COL13A1: variants seen among roughly 807,000 people sequenced by gnomAD.
The protein encoded by COL13A1 is collagen type XIII alpha 1 chain.
Under a neutral mutation model 130.9 loss-of-function variants are expected in COL13A1, and 89 were observed. The observed-to-expected ratio is 0.68, with a 90% CI of 0.57 to 0.81. COL13A1 has a LOEUF of 0.81. COL13A1 is among the 30% of genes least tolerant of loss of function. The probability of loss-of-function intolerance (pLI) is 0.00; values close to 1 mark genes in which losing one functional copy is unlikely to be tolerated. For missense variants in COL13A1, 879 were observed against 934.6 expected (o/e 0.94, Z 0.78); for synonymous variants, 402 against 341.6 (o/e 1.18, Z -1.95).
chr10:69,883,915 A>G (rs930902154), intron 7 of COL13A1, among the ~76,000 whole-genome samples: 1 of 152,196 alleles, frequency 6.6e-6, no homozygotes, highest in Non-Finnish European at 1.5e-5. Flanking sequence ...CTGGAGCAGA[A>G]TCGGTGGGGC....
chr10:69,845,195 C>CTTT (rs61125163), intron 2 of COL13A1, among the ~76,000 whole-genome samples: 1 of 139,282 alleles, frequency 7.2e-6, no homozygotes, highest in African/African-American at 2.7e-5. Context: ...TTTTCTTTTT[C>CTTT]TTTTTTTTTT....
At chr10:69,906,779 G>A (rs1340773228) in intron 17 of COL13A1, among the ~76,000 whole-genome samples, 4 of 151,976 alleles carry the variant, frequency 2.6e-5, no homozygotes, top group Admixed American at 2.0e-4. Context: ...TCACCAGGCT[G>A]GAGTGCAATG....
At chr10:69,845,721 C>T (rs1299821687) in intron 2 of COL13A1, among the ~76,000 whole-genome samples, 1 of 150,482 alleles carries the variant, frequency 6.6e-6, no homozygotes, top group Non-Finnish European at 1.5e-5. Flanking sequence ...AAAGACATTT[C>T]ACCCTTTTTC....
rs1303635490 is a variant in COL13A1, at chr10:69,900,068, T to G, written c.750+1306T>G. ...CTGGCCAAATCCTCGAGAGCCTCCG[T>G]GTGCCCGAGCACTCACCAGAGCATG... On this transcript the variant is annotated intron_variant, in intron 14 of 40. Transcript: ENST00000645393. Among the ~76,000 whole-genome samples, 9 of 152,204 alleles carry G rather than the reference T, an allele frequency of 5.9e-5. No individual in the cohort carries two copies. In the East Asian group the frequency reaches 1.7e-3, roughly 29 times the overall value.
chr10:69,820,978 C>T (rs116190790), intron 1 of COL13A1, among the ~76,000 whole-genome samples: 1,816 of 152,318 alleles, frequency 0.012, 34 homozygotes, highest in African/African-American at 0.042. Context: ...CTTATGACAC[C>T]TCCCATATTA....
rs763017782 is a variant in COL13A1, at chr10:69,917,346, T to C, written c.966+13T>C. 2.5e-6 allele frequency: 4 copies of C among 1,611,494 alleles called. No homozygotes were observed. Among genetic ancestry groups the C allele is most frequent in the Non-Finnish European group, 3.4e-6 (4 of 1,178,772 alleles). On this transcript the variant is annotated intron_variant, in intron 18 of 40. Transcript: ENST00000645393. ...GCATGGAGCCAAGGTACCTCCCCCTTCCCCACATCCCAGGCAGCCCCAAGG... is the reference window on the plus strand; with the variant it reads ...GCATGGAGCCAAGGTACCTCCCCCTCCCCCACATCCCAGGCAGCCCCAAGG...
chr10:69,916,953 C>A (rs911777911), intron 17 of COL13A1, among the ~76,000 whole-genome samples: 1 of 152,182 alleles, frequency 6.6e-6, no homozygotes, highest in African/African-American at 2.4e-5. Context: ...TGCCCCTGGT[C>A]CCGTCCCACA....
intron 29 of COL13A1, 33 bp from the exon 30 acceptor site, chr10:69,930,367 G>A (rs772584037): frequency 1.1e-5 from 17 of 1,575,416 alleles, no homozygotes; most frequent in Non-Finnish European, 1.3e-5. Flanking sequence ...CTCCATTAAT[G>A]TGTCTAAGAA....
At chr10:69,927,691 C>T (rs141015235) in intron 27 of COL13A1, among the ~76,000 whole-genome samples, 127 of 152,230 alleles carry the variant, frequency 8.3e-4, no homozygotes, top group African/African-American at 3.0e-3. Flanking sequence ...TCATGAAGTT[C>T]TCTGACTACT....
intron 4 of COL13A1, 31 bp downstream of exon 4, chr10:69,872,241 C>T (rs1205449531): frequency 3.1e-6 from 5 of 1,613,490 alleles, no homozygotes; most frequent in Non-Finnish European, 2.5e-6. Flanking sequence ...CTTTCCTTTG[C>T]ATCTCTTTTA....
intron 9 of COL13A1, among the ~76,000 whole-genome samples, chr10:69,889,106 C>T (rs900357377): frequency 1.7e-4 from 26 of 152,230 alleles, no homozygotes; most frequent in Non-Finnish European, 3.5e-4. Context: ...GACCAGGCAT[C>T]CCCCGAAGCT....
At chr10:69,949,804 G>A (rs1207650735) in intron 38 of COL13A1, among the ~76,000 whole-genome samples, 1 of 151,688 alleles carries the variant, frequency 6.6e-6, no homozygotes, top group African/African-American at 2.4e-5. Flanking sequence ...AATCATTCAG[G>A]AAAATTGGAT....
Position 69,956,693 on chromosome 10 carries a change from G to A in COL13A1, c.2146-311G>A, listed in dbSNP as rs1031099829. 1.3e-5 allele frequency: 4 copies of A among 310,290 alleles called. No individual in the cohort carries two copies. In the South Asian group the frequency reaches 1.6e-4, roughly 12 times the overall value. The allele number at this position is 310,290 out of a possible 1,614,324, so 19.2% of individuals were successfully genotyped here. ...ACCCGTGAGCAGCCGGCACTCCATA[G>A]GGCCACAGCAGAGACTGTTTCTTCG... On this transcript the variant is annotated intron_variant, in intron 39 of 40. Transcript: ENST00000645393.
chr10:69,953,455 A>C (rs1174445970), intron 39 of COL13A1, among the ~76,000 whole-genome samples: 4 of 152,318 alleles, frequency 2.6e-5, no homozygotes, highest in Non-Finnish European at 5.9e-5. Flanking sequence ...GGGCAGAACA[A>C]GGCCAGATGA....
At position 69,880,473 on chromosome 10, in the gene COL13A1, C is replaced by T. The variant is rs769045889; in HGVS notation, c.463-30C>T. 4 of 1,370,028 alleles carry T rather than the reference C, an allele frequency of 2.9e-6. No homozygotes were observed. In the South Asian group the frequency reaches 4.7e-5, roughly 16 times the overall value. The allele number at this position is 1,370,028 out of a possible 1,614,324, so 84.9% of individuals were successfully genotyped here. A position where few individuals can be genotyped will look rare whatever the true frequency, so the allele number is the denominator to read the frequency against. On this transcript the variant is annotated intron_variant, in intron 6 of 40. Transcript: ENST00000645393. Reference sequence around the variant, plus strand: ...CTTCTCCATACCTCCCTGCCCCTCGCTCCCTCTCCCCCTTCCTCTCTCCCC... The same window carrying T: ...CTTCTCCATACCTCCCTGCCCCTCGTTCCCTCTCCCCCTTCCTCTCTCCCC...
At chr10:69,895,871 T>A (rs1349174671) in intron 13 of COL13A1, among the ~76,000 whole-genome samples, 1 of 152,164 alleles carries the variant, frequency 6.6e-6, no homozygotes, top group Non-Finnish European at 1.5e-5. Context: ...TGGAGTCTCC[T>A]GCTGTGTGTC....
Position 69,947,628 on chromosome 10 carries a change from C to T in COL13A1, c.2058+286C>T, listed in dbSNP as rs10999041. ...AGCAACAAGATCCATGTGTCCAGCT[C>T]TTTCTAGGTTGCCCTGATTGTGGGC... On this transcript the variant is annotated intron_variant, in intron 38 of 40. Transcript: ENST00000645393. Among the ~76,000 whole-genome samples the T allele has an allele frequency of 1.9e-3, 294 of 152,108 alleles. No individual in the cohort carries two copies. In the Middle Eastern group the frequency reaches 0.031, roughly 16 times the overall value.
chr10:69,833,700 A>G (rs1432631506), intron 2 of COL13A1, among the ~76,000 whole-genome samples: 2 of 152,218 alleles, frequency 1.3e-5, no homozygotes, highest in African/African-American at 2.4e-5. Context: ...ACATTTTAAA[A>G]CAATGAAACA....
chr10:69,882,273 T>C (rs907937526), intron 7 of COL13A1, among the ~76,000 whole-genome samples: 9 of 152,198 alleles, frequency 5.9e-5, no homozygotes, highest in African/African-American at 2.2e-4. Context: ...ATTGTGTGGA[T>C]CCTGCTGGTC....
Sources: gnomAD v4.1 joint callset for allele counts (sites outside exome capture counted in the v4.1 genomes callset) on GRCh38, gnomAD v4.1.1 for gene constraint, MANE v1.5 for transcripts, NCBI Gene and HGNC (gene_info 2026-07-23, HGNC 2026-07-21) for gene names.